Variants in UNC5D observed in about 807,000 individuals in gnomAD.
UNC5D encodes the protein unc-5 netrin receptor D.
Under a neutral mutation model 105.4 loss-of-function variants are expected in UNC5D, and 39 were observed. The observed-to-expected ratio is 0.37, with a 90% confidence interval of 0.29 to 0.48. The LOEUF (loss-of-function observed/expected upper bound fraction) is 0.48, where lower values mean the gene tolerates loss of function less well. Among genes scored for constraint, UNC5D ranks in the 20% least tolerant of loss-of-function variants. The probability of loss-of-function intolerance (pLI) is 0.98; values close to 1 mark genes in which losing one functional copy is unlikely to be tolerated. For synonymous variants in UNC5D, 452 were observed against 450.4 expected (o/e 1.00, Z -0.04); for missense variants, 991 against 1,202.4 (o/e 0.82, Z 2.60).
At chr8:35,380,828 T>C (rs765207059) in intron 1 of UNC5D, among the ~76,000 whole-genome samples, 1 of 152,206 alleles carries the variant, frequency 6.6e-6, no homozygotes. Context: ...CTTAAACCTA[T>C]AGCATTTTTT....
intron 1 of UNC5D, among the ~76,000 whole-genome samples, chr8:35,492,191 G>A (rs1811259397): frequency 6.6e-6 from 1 of 151,372 alleles, no homozygotes; most frequent in Admixed American, 6.6e-5. Flanking sequence ...TCCAAGTTTA[G>A]GTCAAATGCA....
At chr8:35,449,769 C>T (rs540456177) in intron 1 of UNC5D, among the ~76,000 whole-genome samples, 4 of 152,244 alleles carry the variant, frequency 2.6e-5, no homozygotes, top group African/African-American at 9.6e-5. Context: ...ACTGTTTGCA[C>T]ATGGTAGTTG....
At chr8:35,616,317 C>T (rs369836245) in intron 4 of UNC5D, among the ~76,000 whole-genome samples, 6 of 152,168 alleles carry the variant, frequency 3.9e-5, no homozygotes, top group East Asian at 1.9e-4. Flanking sequence ...CCAGCAGAGT[C>T]GGATAGCATG....
intron 1 of UNC5D, among the ~76,000 whole-genome samples, chr8:35,495,455 C>CAAAAAAA (rs1417671723): frequency 3.1e-5 from 1 of 32,426 alleles, no homozygotes; most frequent in African/African-American, 9.9e-5. Flanking sequence ...ACAACAACAA[C>CAAAAAAA]AACAAAAAAA....
At position 35,599,837 on chromosome 8, in the gene UNC5D, A is replaced by G. The variant is rs186479306; in HGVS notation, c.570+4180A>G. ...ATTATTATACTTTAAGTTTTAGGGT[A>G]CATGTGCACAACGTGCAGGTTAGTT... On this transcript the variant is annotated intron_variant, in intron 4 of 16. Coordinates refer to ENST00000404895, the MANE Select transcript of UNC5D (RefSeq NM_080872.4). Among the ~76,000 whole-genome samples the G allele has an allele frequency of 2.1e-3, 318 of 152,312 alleles. 1 individual carries two copies. The highest frequency in any genetic ancestry group is 3.1e-3 in the Admixed American group (48 of 15,300).
At chr8:35,588,459 ATTACTCTCTGAGAAACTTTTTTGC>A (rs1818942361) in intron 3 of UNC5D, among the ~76,000 whole-genome samples, 1 of 152,150 alleles carries the variant, frequency 6.6e-6, no homozygotes, top group African/African-American at 2.4e-5. Context: ...CAGTTTAGAT[ATTACTCTCTGAGAAACTTTTTTGC>A]AATCACTAGA....
intron 4 of UNC5D, among the ~76,000 whole-genome samples, chr8:35,643,235 G>T (rs539442917): frequency 3.3e-4 from 51 of 152,270 alleles, no homozygotes; most frequent in African/African-American, 1.1e-3. Context: ...AGCCAAATAT[G>T]TCTCCAGACA....
intron 1 of UNC5D, among the ~76,000 whole-genome samples, chr8:35,240,367 T>A (rs757764003): frequency 1.3e-5 from 2 of 152,220 alleles, no homozygotes; most frequent in African/African-American, 2.4e-5. Context: ...GCAACTTTGT[T>A]TGAATATGAA....
intron 1 of UNC5D, among the ~76,000 whole-genome samples, chr8:35,403,481 T>C (rs1181287987): frequency 6.6e-6 from 1 of 152,216 alleles, no homozygotes; most frequent in Non-Finnish European, 1.5e-5. Context: ...TGGAAGAAAG[T>C]GCAAATATAC....
chr8:35,759,543 G>A, intron 14 of UNC5D, 74 bp downstream of exon 14: 4 of 1,517,526 alleles, frequency 2.6e-6, no homozygotes, highest in Non-Finnish European at 3.6e-6. Context: ...CCTGGCAAGG[G>A]TCTGCTTGAT....
At chr8:35,292,720 T>TG (rs1807167361) in intron 1 of UNC5D, among the ~76,000 whole-genome samples, 1 of 148,436 alleles carries the variant, frequency 6.7e-6, no homozygotes, top group Admixed American at 6.7e-5. Context: ...TTTTTCCTTT[T>TG]TTTTTTTTTT....
chr8:35,514,544 G>A (rs753516426), intron 1 of UNC5D, among the ~76,000 whole-genome samples: 6 of 152,138 alleles, frequency 3.9e-5, no homozygotes, highest in East Asian at 3.9e-4. Flanking sequence ...ATTAGGTAAC[G>A]ATAGAAAATG....
At chr8:35,595,707 C>CA (rs1563571527) in intron 4 of UNC5D, 50 bp downstream of exon 4, 1 of 1,549,850 alleles carries the variant, frequency 6.5e-7, no homozygotes, top group Non-Finnish European at 8.9e-7. Context: ...GGCCTGTTCC[C>CA]AAGAGGGAGG....
At chr8:35,612,465 T>C (rs1174457711) in intron 4 of UNC5D, among the ~76,000 whole-genome samples, 1 of 152,118 alleles carries the variant, frequency 6.6e-6, no homozygotes, top group African/African-American at 2.4e-5. Context: ...GATTTCCAGA[T>C]GCCTATCTGG....
At chr8:35,747,141 G>A (rs1391249426) in intron 11 of UNC5D, among the ~76,000 whole-genome samples, 6 of 152,124 alleles carry the variant, frequency 3.9e-5, no homozygotes, top group Non-Finnish European at 5.9e-5. Flanking sequence ...ACATCTCCAG[G>A]GCTTCTTGGA....
At chr8:35,406,699 A>T (rs912847335) in intron 1 of UNC5D, among the ~76,000 whole-genome samples, 7 of 152,178 alleles carry the variant, frequency 4.6e-5, no homozygotes, top group African/African-American at 1.7e-4. Context: ...GGGCTCTGAT[A>T]CAATTTTAGG....
rs895703992 is a variant in UNC5D, at chr8:35,371,180, A to G, written c.103+135293A>G. Among the ~76,000 whole-genome samples the G allele has an allele frequency of 3.6e-4, 16 of 44,936 alleles. No individual in the cohort carries two copies. In the East Asian group the frequency reaches 0.028, roughly 79 times the overall value. 29.5% of individuals were successfully genotyped at this position (44,936 alleles called of 152,430 possible). A position where few individuals can be genotyped will look rare whatever the true frequency, so the allele number is the denominator to read the frequency against. On this transcript the variant is annotated intron_variant, in intron 1 of 16. Transcript: ENST00000404895. ...GTGAGCTATGATTGTGCCACTGCAC[A>G]CACACACACACACACACACACACAA...
At chr8:35,345,043 G>T (rs1162301457) in intron 1 of UNC5D, among the ~76,000 whole-genome samples, 2 of 151,990 alleles carry the variant, frequency 1.3e-5, no homozygotes, top group Non-Finnish European at 2.9e-5. Flanking sequence ...ATTATACAGT[G>T]CAACTCCATT....
intron 1 of UNC5D, among the ~76,000 whole-genome samples, chr8:35,430,237 T>G (rs1806534139): frequency 6.6e-6 from 1 of 152,072 alleles, no homozygotes; most frequent in South Asian, 2.1e-4. Flanking sequence ...CAATCACATT[T>G]ACTTAAAGCT....
Sources: gnomAD v4.1 joint callset for allele counts (sites outside exome capture counted in the v4.1 genomes callset) on GRCh38, gnomAD v4.1.1 for gene constraint, MANE v1.5 for transcripts, NCBI Gene and HGNC (gene_info 2026-07-23, HGNC 2026-07-21) for gene names.